Variants in EYA4 observed in about 807,000 individuals in gnomAD.
The protein encoded by EYA4 is EYA transcriptional coactivator and phosphatase 4.
A neutral mutation model predicts 87.9 loss-of-function variants in EYA4; 31 were observed. The ratio of observed to expected loss-of-function variants is 0.35; its 90% CI spans 0.27 to 0.48. The LOEUF is 0.48. EYA4 is among the 20% of genes least tolerant of loss of function. The pLI is 0.99. For missense variants in EYA4, 678 were observed against 761.4 expected, an observed-to-expected ratio of 0.89 and a Z score of 1.29; for synonymous variants, 263 against 270.6, an observed-to-expected ratio of 0.97 and a Z score of 0.28.
At chr6:133,248,993 G>A (rs751083474) in intron 1 of EYA4, 2 of 151,384 alleles carry the variant, frequency 1.3e-5, no homozygotes, top group Non-Finnish European at 2.9e-5. Flanking sequence ...CTTAATTGTT[G>A]ACTTTAGTTT....
At chr6:133,410,591 A>C (rs1476720228) in intron 3 of EYA4, among the ~76,000 whole-genome samples, 1 of 91,762 alleles carries the variant, frequency 1.1e-5, no homozygotes, top group Non-Finnish European at 3.3e-5. Context: ...CTCCTAACCA[A>C]AAAAAAAAAA....
At chr6:133,520,941 T>C (rs1164344959) in intron 17 of EYA4, among the ~76,000 whole-genome samples, 1 of 150,524 alleles carries the variant, frequency 6.6e-6, no homozygotes, top group Non-Finnish European at 1.5e-5. Context: ...ATCCCTTCCT[T>C]ACACCTTATA....
At chr6:133,451,488 A>G (rs1043305121) in intron 5 of EYA4, among the ~76,000 whole-genome samples, 1 of 152,196 alleles carries the variant, frequency 6.6e-6, no homozygotes, top group African/African-American at 2.4e-5. Flanking sequence ...CTTCATATAC[A>G]AAAATACTTA....
chr6:133,431,716 A>G (rs1407624633), intron 3 of EYA4, among the ~76,000 whole-genome samples: 1 of 152,216 alleles, frequency 6.6e-6, no homozygotes, highest in Non-Finnish European at 1.5e-5. Flanking sequence ...AGAAAGAATT[A>G]TATGGCAGGT....
chr6:133,436,292 GC>G (rs1373969967), intron 3 of EYA4, among the ~76,000 whole-genome samples: 1 of 151,458 alleles, frequency 6.6e-6, no homozygotes, highest in Non-Finnish European at 1.5e-5. Context: ...CCCTTACCTA[GC>G]CCCTTGCTCT....
intron 3 of EYA4, among the ~76,000 whole-genome samples, chr6:133,414,907 T>C (rs1422723057): frequency 6.6e-6 from 1 of 152,222 alleles, no homozygotes; most frequent in African/African-American, 2.4e-5. Context: ...TGGACTTTTA[T>C]TGATATACTT....
At chr6:133,298,974 A>C (rs1271158101) in intron 2 of EYA4, among the ~76,000 whole-genome samples, 1 of 152,214 alleles carries the variant, frequency 6.6e-6, no homozygotes, top group Non-Finnish European at 1.5e-5. Flanking sequence ...GCCTTGAAGA[A>C]GCTGAGAGAT....
chr6:133,387,358 C>T (rs945555475), intron 3 of EYA4, among the ~76,000 whole-genome samples: 10 of 152,168 alleles, frequency 6.6e-5, no homozygotes, highest in Non-Finnish European at 1.3e-4. Context: ...GTGAAACATG[C>T]ATAGCATTTC....
At position 133,258,759 on chromosome 6, in the gene EYA4, C is replaced by A. The variant is rs183381928; in HGVS notation, c.-65-15957C>A. 4.4e-3 allele frequency among the ~76,000 whole-genome samples: 670 copies of A among 152,118 alleles called. 7 individuals are homozygous for A. The highest frequency in any genetic ancestry group is 0.015 in the African/African-American group (643 of 41,512). ...CTTTTTAGGTCCAAGAGCATTTGGACCCCTGGGAGATGAACTTGTAGATTC... is the reference window on the plus strand; with the variant it reads ...CTTTTTAGGTCCAAGAGCATTTGGAACCCTGGGAGATGAACTTGTAGATTC... On this transcript the variant is annotated intron_variant, in intron 1 of 19. Coordinates refer to ENST00000355286, the MANE Select transcript of EYA4 (RefSeq NM_004100.5).
chr6:133,372,372 G>C (rs1324393860), intron 2 of EYA4, among the ~76,000 whole-genome samples: 1 of 152,008 alleles, frequency 6.6e-6, no homozygotes, highest in South Asian at 2.1e-4. Context: ...TACAGTCAGT[G>C]TCTTATTAAC....
At chr6:133,331,338 T>A (rs1212042994) in intron 2 of EYA4, among the ~76,000 whole-genome samples, 1 of 152,210 alleles carries the variant, frequency 6.6e-6, no homozygotes, top group Non-Finnish European at 1.5e-5. Context: ...TCAGTATCAT[T>A]TATTATCAGC....
chr6:133,432,773 C>T (rs1018184722), intron 3 of EYA4, among the ~76,000 whole-genome samples: 2 of 151,992 alleles, frequency 1.3e-5, no homozygotes, highest in Non-Finnish European at 2.9e-5. Flanking sequence ...CATTCTGATC[C>T]CTCGTGGCAG....
chr6:133,438,479 C>T (rs1791923669), intron 3 of EYA4, among the ~76,000 whole-genome samples: 1 of 150,240 alleles, frequency 6.7e-6, no homozygotes, highest in Non-Finnish European at 1.5e-5. Flanking sequence ...AAGCAGATAC[C>T]TCCCCCAGGA....
At position 133,387,280 on chromosome 6, in the gene EYA4, A is replaced by G. The variant is rs212814; in HGVS notation, c.83+4839A>G. On this transcript the variant is annotated intron_variant, in intron 3 of 19. Coordinates refer to ENST00000355286, the MANE Select transcript of EYA4 (RefSeq NM_004100.5). ...CCGGAAGACTGAAATGTTTATCTGC[A>G]TATAATTGCCTGTCTCAAAATTAAA... is the stretch of plus-strand genomic sequence containing the variant. Among the ~76,000 whole-genome samples the G allele has an allele frequency of 4.5e-4, 69 of 152,240 alleles. 1 individual carries two copies. The highest frequency in any genetic ancestry group is 3.2e-3 in the Middle Eastern group (1 of 316).
chr6:133,295,511 G>A (rs966350311), intron 2 of EYA4, among the ~76,000 whole-genome samples: 5 of 152,148 alleles, frequency 3.3e-5, no homozygotes, highest in Non-Finnish European at 5.9e-5. Flanking sequence ...ATTGTTTATC[G>A]AGTACCTACT....
At chr6:133,328,174 A>G (rs903230918) in intron 2 of EYA4, among the ~76,000 whole-genome samples, 3 of 152,180 alleles carry the variant, frequency 2.0e-5, no homozygotes, top group Admixed American at 2.0e-4. Flanking sequence ...TCTCATCTTT[A>G]AAATAGTTCA....
chr6:133,306,649 T>C (rs1779832135), intron 2 of EYA4, among the ~76,000 whole-genome samples: 2 of 152,198 alleles, frequency 1.3e-5, no homozygotes, highest in African/African-American at 4.8e-5. Context: ...TATTGAAAAA[T>C]CAGCAAATTT....
chr6:133,395,176 A>T (rs1787675787), intron 3 of EYA4, among the ~76,000 whole-genome samples: 1 of 151,990 alleles, frequency 6.6e-6, no homozygotes, highest in African/African-American at 2.4e-5. Context: ...GGTTATCTAG[A>T]ATTATTCCTT....
At chr6:133,441,743 A>G (rs1053972434) in intron 3 of EYA4, among the ~76,000 whole-genome samples, 4 of 152,026 alleles carry the variant, frequency 2.6e-5, no homozygotes, top group Admixed American at 2.6e-4. Flanking sequence ...GGTAATCAGA[A>G]TGAGCCAGGG....
Sources: gnomAD v4.1 joint callset for allele counts (sites outside exome capture counted in the v4.1 genomes callset) on GRCh38, gnomAD v4.1.1 for gene constraint, MANE v1.5 for transcripts, NCBI Gene and HGNC (gene_info 2026-07-23, HGNC 2026-07-21) for gene names.